TMEM117: variants seen among roughly 807,000 people sequenced by gnomAD.
The protein encoded by TMEM117 is transmembrane protein 117.
In TMEM117, 27 loss-of-function variants were observed where a neutral mutation model predicts 52.4. The observed-to-expected ratio is 0.51, with a 90% CI of 0.38 to 0.71. TMEM117 has a LOEUF of 0.71. TMEM117 is among the 30% of genes least tolerant of loss of function. The pLI is 0.00. For missense variants in TMEM117, 556 were observed against 630.5 expected (o/e 0.88, Z 1.26); for synonymous variants, 215 against 206.3 (o/e 1.04, Z -0.36).
At chr12:43,799,455 A>C in the TMEM117 span, 4 of 1,610,262 alleles carry the variant, frequency 2.5e-6, no homozygotes, top group African/African-American at 4.0e-5. Context: ...GGGCAGGGGA[A>C]GATTGTGACA....
At chr12:44,340,717 A>G (rs1348269503) in intron 6 of TMEM117, among the ~76,000 whole-genome samples, 1 of 152,212 alleles carries the variant, frequency 6.6e-6, no homozygotes, top group Non-Finnish European at 1.5e-5. Flanking sequence ...AGGATAGATC[A>G]TTGATTTTGT....
intron 2 of TMEM117, among the ~76,000 whole-genome samples, chr12:43,909,568 T>C (rs1455305726): frequency 1.3e-5 from 2 of 148,760 alleles, no homozygotes; most frequent in Admixed American, 6.7e-5. Flanking sequence ...AGCTGGTTTT[T>C]TGAAAGGATC....
intron 2 of TMEM117, among the ~76,000 whole-genome samples, chr12:43,845,915 C>G (rs983666012): frequency 2.0e-5 from 3 of 152,090 alleles, no homozygotes; most frequent in Non-Finnish European, 4.4e-5. Context: ...GTGATATATA[C>G]GTAATCTTAT....
the TMEM117 span, among the ~76,000 whole-genome samples, chr12:43,798,379 GA>G: frequency 2.6e-5 from 4 of 152,018 alleles, no homozygotes; most frequent in African/African-American, 9.7e-5. Context: ...AGAAAGATAA[GA>G]AAGCATTCAA....
At chr12:44,030,111 A>T (rs10880617) in intron 3 of TMEM117, among the ~76,000 whole-genome samples, 29,540 of 152,178 alleles carry the variant, frequency 0.19, 4,498 homozygotes, top group African/African-American at 0.43. Flanking sequence ...AAGTAAAAAG[A>T]GTAATGCTTT....
At chr12:44,304,643 G>C (rs183166377) in intron 6 of TMEM117, among the ~76,000 whole-genome samples, 95 of 152,298 alleles carry the variant, frequency 6.2e-4, no homozygotes, top group African/African-American at 2.1e-3. Flanking sequence ...TACCACAGTA[G>C]AATAGGGCAC....
intron 4 of TMEM117, among the ~76,000 whole-genome samples, chr12:44,162,871 G>A (rs1948916059): frequency 1.3e-5 from 2 of 152,116 alleles, no homozygotes; most frequent in Non-Finnish European, 1.5e-5. Context: ...TTTAAAAATA[G>A]CCTTTTCAAG....
At chr12:44,203,641 A>C (rs1354835304) in intron 4 of TMEM117, among the ~76,000 whole-genome samples, 1 of 152,116 alleles carries the variant, frequency 6.6e-6, no homozygotes, top group Non-Finnish European at 1.5e-5. Context: ...AGATTCTGGT[A>C]TGCTCTTTCT....
intron 2 of TMEM117, among the ~76,000 whole-genome samples, chr12:43,867,120 A>G (rs1009331540): frequency 3.9e-5 from 6 of 152,110 alleles, no homozygotes; most frequent in African/African-American, 1.2e-4. Context: ...AAAGACAACA[A>G]TGTTTAAAAG....
chr12:43,942,735 A>G (rs896269617), intron 2 of TMEM117, among the ~76,000 whole-genome samples: 4 of 152,176 alleles, frequency 2.6e-5, no homozygotes, highest in Non-Finnish European at 5.9e-5. Flanking sequence ...GGAAAAGTTC[A>G]ATAGTTAAAT....
chr12:44,348,433 C>G (rs1376529606), intron 6 of TMEM117, among the ~76,000 whole-genome samples: 1 of 151,786 alleles, frequency 6.6e-6, no homozygotes, highest in African/African-American at 2.4e-5. Flanking sequence ...ACCAATACCC[C>G]CTTTTCTTAG....
intron 6 of TMEM117, among the ~76,000 whole-genome samples, chr12:44,358,579 G>A (rs565594260): frequency 6.6e-6 from 1 of 152,010 alleles, no homozygotes; most frequent in Non-Finnish European, 1.5e-5. Context: ...CTTTAACCCT[G>A]GCTCTGTAAG....
intron 3 of TMEM117, among the ~76,000 whole-genome samples, chr12:44,133,743 C>T (rs535261340): frequency 7.2e-5 from 11 of 152,096 alleles, no homozygotes; most frequent in Admixed American, 2.6e-4. Flanking sequence ...TAGAGCTCTT[C>T]GTGGAAGGTC....
chr12:44,247,443 A>G (rs546322435), intron 5 of TMEM117, among the ~76,000 whole-genome samples: 10 of 152,232 alleles, frequency 6.6e-5, no homozygotes, highest in Non-Finnish European at 1.3e-4. Context: ...TTTTAAATTT[A>G]TAATTGATAC....
chr12:43,882,577 A>G (rs1943917291), intron 2 of TMEM117, among the ~76,000 whole-genome samples: 1 of 152,212 alleles, frequency 6.6e-6, no homozygotes, highest in East Asian at 1.9e-4. Context: ...TTCTGCAAGC[A>G]CTACTTTCTG....
At chr12:44,081,747 A>G (rs942426696) in intron 3 of TMEM117, among the ~76,000 whole-genome samples, 11 of 152,096 alleles carry the variant, frequency 7.2e-5, no homozygotes, top group Non-Finnish European at 1.2e-4. Context: ...CTAAGTTAGT[A>G]AACAAATAAA....
At chr12:44,261,525 G>A (rs1950320794) in intron 5 of TMEM117, among the ~76,000 whole-genome samples, 1 of 151,984 alleles carries the variant, frequency 6.6e-6, no homozygotes, top group Admixed American at 6.6e-5. Flanking sequence ...TGGCTTCAAG[G>A]TTTATATTTT....
At chr12:44,086,977 A>G (rs945319152) in intron 3 of TMEM117, among the ~76,000 whole-genome samples, 10 of 146,986 alleles carry the variant, frequency 6.8e-5, no homozygotes, top group South Asian at 4.2e-4. Flanking sequence ...TATAAATTAT[A>G]TAATATATAA....
intron 5 of TMEM117, among the ~76,000 whole-genome samples, chr12:44,219,104 A>C (rs1428203427): frequency 2.0e-5 from 3 of 152,228 alleles, no homozygotes; most frequent in African/African-American, 7.2e-5. Context: ...ATGTAAAGGA[A>C]GACAAAATAT....
Sources: allele counts gnomAD v4.1 joint callset (sites outside exome capture counted in the v4.1 genomes callset), GRCh38; gene constraint gnomAD v4.1.1; transcripts MANE v1.5; gene names NCBI Gene and HGNC (gene_info 2026-07-23, HGNC 2026-07-21).